Variants in ROBO2 observed in about 807,000 individuals in gnomAD.
The protein encoded by ROBO2 is roundabout guidance receptor 2.
A neutral mutation model predicts 160.8 loss-of-function variants in ROBO2; 53 were observed. The observed-to-expected ratio is 0.33, with a 90% CI of 0.26 to 0.41. ROBO2 has a LOEUF of 0.41. Among genes scored for constraint, ROBO2 ranks in the 10% least tolerant of loss-of-function variants. ROBO2 has a pLI of 1.00. For synonymous variants in ROBO2, 664 were observed against 611.7 expected, an observed-to-expected ratio of 1.09 and a Z score of -1.26; for missense variants, 1,577 against 1,722.4, an observed-to-expected ratio of 0.92 and a Z score of 1.49.
At chr3:76,611,322 A>G (rs2088106139) in intron 2 of ROBO2, among the ~76,000 whole-genome samples, 1 of 152,038 alleles carries the variant, frequency 6.6e-6, no homozygotes, top group Admixed American at 6.6e-5. Context: ...CCTCATACAT[A>G]CTGAATAGCT....
chr3:76,793,792 A>G (rs1177607835), intron 2 of ROBO2, among the ~76,000 whole-genome samples: 2 of 151,686 alleles, frequency 1.3e-5, no homozygotes, highest in African/African-American at 4.8e-5. Context: ...CCATTCCCTC[A>G]CCTCTTATTC....
intron 2 of ROBO2, among the ~76,000 whole-genome samples, chr3:76,710,916 T>C (rs1251064583): frequency 6.6e-6 from 1 of 152,214 alleles, no homozygotes; most frequent in African/African-American, 2.4e-5. Flanking sequence ...CACTTTTCCT[T>C]CATTTATCTG....
At chr3:77,164,522 C>T (rs574324711) in intron 2 of ROBO2, among the ~76,000 whole-genome samples, 17 of 143,866 alleles carry the variant, frequency 1.2e-4, no homozygotes, top group African/African-American at 4.4e-4. Flanking sequence ...GCCGTGCTGT[C>T]CGGGAGGGAG....
At chr3:77,204,625 A>G (rs1159881446) in intron 2 of ROBO2, among the ~76,000 whole-genome samples, 1 of 152,076 alleles carries the variant, frequency 6.6e-6, no homozygotes, top group African/African-American at 2.4e-5. Flanking sequence ...ATAGTTAATA[A>G]TTTTTCTAGA....
chr3:75,924,560 G>A (rs144683131), intron 1 of ROBO2, among the ~76,000 whole-genome samples: 1 of 151,866 alleles, frequency 6.6e-6, no homozygotes, highest in African/African-American at 2.4e-5. Flanking sequence ...TTAAGCCTCT[G>A]AGTTTGTGTT....
intron 1 of ROBO2, among the ~76,000 whole-genome samples, chr3:75,916,015 A>G (rs1424159472): frequency 6.6e-6 from 1 of 152,222 alleles, no homozygotes; most frequent in Non-Finnish European, 1.5e-5. Flanking sequence ...CTTTATCTAT[A>G]GAGCTGATAA....
At chr3:77,177,012 A>C (rs931520835) in intron 2 of ROBO2, among the ~76,000 whole-genome samples, 1 of 138,740 alleles carries the variant, frequency 7.2e-6, no homozygotes, top group African/African-American at 2.5e-5. Context: ...TGGATTCATT[A>C]AGTTTTTGAC....
At chr3:77,422,182 C>T (rs1020558561) in intron 2 of ROBO2, among the ~76,000 whole-genome samples, 16 of 152,142 alleles carry the variant, frequency 1.1e-4, no homozygotes, top group African/African-American at 3.4e-4. Context: ...GCATCCCACT[C>T]GGTTTTATGG....
intron 2 of ROBO2, among the ~76,000 whole-genome samples, chr3:76,787,363 C>G (rs937557598): frequency 2.0e-5 from 3 of 150,256 alleles, no homozygotes; most frequent in Admixed American, 1.3e-4. Context: ...CACACACACA[C>G]ACAGAGTTTG....
intron 17 of ROBO2, among the ~76,000 whole-genome samples, chr3:77,590,100 C>CCTTGTTTGTT: frequency 2.0e-5 from 3 of 152,056 alleles, no homozygotes; most frequent in Non-Finnish European, 4.4e-5. Context: ...TTATTTGATG[C>CCTTGTTTGTT]ATTTATATGT....
At chr3:76,517,985 TA>T (rs530483144) in intron 2 of ROBO2, among the ~76,000 whole-genome samples, 37 of 151,696 alleles carry the variant, frequency 2.4e-4, no homozygotes, top group Middle Eastern at 3.4e-3. Flanking sequence ...TTTTTTATAT[TA>T]AAAAAAAACT....
At chr3:76,659,404 A>G (rs1392745541) in intron 2 of ROBO2, among the ~76,000 whole-genome samples, 1 of 150,372 alleles carries the variant, frequency 6.7e-6, no homozygotes, top group African/African-American at 2.4e-5. Flanking sequence ...ATAATATTAT[A>G]TTACATACAT....
chr3:77,545,945 A>G (rs2092680895), intron 6 of ROBO2, among the ~76,000 whole-genome samples: 1 of 152,112 alleles, frequency 6.6e-6, no homozygotes, highest in Admixed American at 6.6e-5. Flanking sequence ...TTATAAATAA[A>G]TTGACTTTAG....
At position 75,982,261 on chromosome 3, in the gene ROBO2, AT is replaced by A. The variant is rs373153230; in HGVS notation, c.109+44669del. Among the ~76,000 whole-genome samples the A allele has an allele frequency of 5.0e-3, 746 of 147,794 alleles. 4 individuals are homozygous for A. The highest frequency in any genetic ancestry group is 0.017 in the African/African-American group (678 of 40,486). On this transcript the variant is annotated intron_variant, in intron 2 of 26. Transcript: ENST00000487694. Reference sequence around the variant, plus strand: ...GTGCAGATATCTCTTTGATTTACTCATTTTTTTTTTCTCTTTGGTATATACT... The same window carrying A: ...GTGCAGATATCTCTTTGATTTACTCATTTTTTTTTCTCTTTGGTATATACT...
intron 2 of ROBO2, among the ~76,000 whole-genome samples, chr3:76,472,356 T>C (rs868510002): frequency 2.0e-5 from 3 of 152,254 alleles, no homozygotes; most frequent in Middle Eastern, 3.4e-3. Context: ...CTAAAAGAAG[T>C]AGAATTGAAT....
chr3:76,798,615 G>A (rs1253280383), intron 2 of ROBO2, among the ~76,000 whole-genome samples: 1 of 152,168 alleles, frequency 6.6e-6, no homozygotes, highest in African/African-American at 2.4e-5. Flanking sequence ...TATAAGGCTA[G>A]GTGCAGTGGC....
intron 2 of ROBO2, among the ~76,000 whole-genome samples, chr3:76,609,283 T>A (rs1460721159): frequency 6.6e-6 from 1 of 152,198 alleles, no homozygotes; most frequent in Non-Finnish European, 1.5e-5. Context: ...TAATTTGAAG[T>A]TAGGTAGTGT....
chr3:76,962,426 G>A (rs986098747), intron 2 of ROBO2, among the ~76,000 whole-genome samples: 2 of 151,860 alleles, frequency 1.3e-5, no homozygotes, highest in African/African-American at 2.4e-5. Context: ...ATCACCTGAG[G>A]TCAGGATTTC....
chr3:76,091,796 A>G (rs962763404), intron 2 of ROBO2, among the ~76,000 whole-genome samples: 3 of 152,200 alleles, frequency 2.0e-5, no homozygotes, highest in African/African-American at 7.2e-5. Flanking sequence ...AAAAGCTTCA[A>G]TACACTAAGT....
Sources: gnomAD v4.1 joint callset for allele counts (sites outside exome capture counted in the v4.1 genomes callset) on GRCh38, gnomAD v4.1.1 for gene constraint, MANE v1.5 for transcripts, NCBI Gene and HGNC (gene_info 2026-07-23, HGNC 2026-07-21) for gene names.